SLC6A9: variants seen among roughly 807,000 people sequenced by gnomAD.
The protein encoded by SLC6A9 is solute carrier family 6 member 9.
SLC6A9 carries 31 observed loss-of-function variants against 70.9 expected under a neutral mutation model. That is an observed-to-expected ratio of 0.44 (90% CI 0.33 to 0.59). The LOEUF is 0.59. SLC6A9 is among the 20% of genes least tolerant of loss of function. The pLI is 0.04. For missense variants in SLC6A9, 631 were observed against 845.2 expected, an observed-to-expected ratio of 0.75 and a Z score of 3.14; for synonymous variants, 310 against 341.3, an observed-to-expected ratio of 0.91 and a Z score of 1.01.
chr1:43,997,052 A>G lies in SLC6A9; in HGVS notation c.*493T>C, dbSNP rs1193348561. ...AATGTTTACAAAAATAATTACACAG[A>G]TAAACAGGGCTGGGCAGCACAGCCT... is the stretch of plus-strand genomic sequence containing the variant. On this transcript the variant is annotated 3_prime_UTR_variant, in exon 14 of 14. Transcript: ENST00000372310. The surrounding 1 kb of genome is among the most constrained non-coding windows in gnomAD (Gnocchi z 4.4). The G allele has an allele frequency of 6.2e-6, 1 of 160,540 alleles. No individual in the cohort carries two copies. 9.9% of individuals were successfully genotyped at this position (160,540 alleles called of 1,614,324 possible).
In SLC6A9 at chr1:44,001,694, C is replaced by T. The variant is rs1005495977; in HGVS notation, c.963-67G>A. 9 of 1,267,244 alleles carry T rather than the reference C, an allele frequency of 7.1e-6. No homozygotes were observed. In the Admixed American group the frequency reaches 1.2e-4, roughly 17 times the overall value. 78.5% of individuals were successfully genotyped at this position (1,267,244 alleles called of 1,614,324 possible). On this transcript the variant is annotated intron_variant, in intron 8 of 13. Coordinates refer to ENST00000372310, the MANE Select transcript of SLC6A9 (RefSeq NM_001024845.3). Reference sequence around the variant, plus strand: ...TTTGGGCCAAGAGGAGACATGGAGACACGGAAAGTTCTAGGTACAAAGGCA... The same window carrying T: ...TTTGGGCCAAGAGGAGACATGGAGATACGGAAAGTTCTAGGTACAAAGGCA...
At chr1:44,000,062 C>A (rs1042774523) in intron 12 of SLC6A9, among the ~76,000 whole-genome samples, 1 of 152,154 alleles carries the variant, frequency 6.6e-6, no homozygotes, top group African/African-American at 2.4e-5. Flanking sequence ...AGCTGTGTGA[C>A]CATGGGCCAA....
At position 43,997,881 on chromosome 1, in the gene SLC6A9, G is replaced by A. The variant is rs200127899; in HGVS notation, c.1681C>T (p.Arg561Cys). Residue 561 changes from arginine to cysteine, a missense_variant, in exon 13 of 14, where the codon CGC becomes TGC. Transcript: ENST00000372310. The surrounding 1 kb of genome is among the most constrained non-coding windows in gnomAD (Gnocchi z 4.4). ...IPLYAMFRLC[R>C]TDGDTLLQRL... is the part of the protein sequence containing the mutation. The stretch of plus-strand genomic sequence containing the variant: ...TGGAGGAGGGTGTCCCCGTCTGTGC[G>A]GCAGAGCCGGAACATGGCGTAGAGG... 3.0e-5 allele frequency: 49 copies of A among 1,613,398 alleles called. No individual in the cohort carries two copies. Among genetic ancestry groups the A allele is most frequent in the East Asian group, 1.1e-4 (5 of 44,880 alleles).
At position 44,002,298 on chromosome 1, in the gene SLC6A9, G is replaced by A; in HGVS notation, c.962+15C>T. 6.3e-7 allele frequency: 1 copy of A among 1,590,814 alleles called. No homozygotes were observed. On this transcript the variant is annotated intron_variant, in intron 8 of 13. Transcript: ENST00000372310. This position sits in a 1 kb window ranked among gnomAD's most constrained non-coding sequence, Gnocchi z 5.5. ...GCAGGAAGGGGGCAGCCTCAGCCCA[G>A]CAGGGAGCACTCACCGGTAACAGTT... is the stretch of plus-strand genomic sequence containing the variant.
chr1:44,011,728 G>T (rs575758398), intron 2 of SLC6A9: 1 of 1,613,774 alleles, frequency 6.2e-7, no homozygotes, highest in South Asian at 1.1e-5. Flanking sequence ...GTCACCTGCA[G>T]GGGAGGGGGC....
In SLC6A9 at chr1:44,013,324, C is replaced by T. The variant is rs188136146; in HGVS notation, c.31-2442G>A. ...TTGGATCCCTGAAGTCTGCTCCTTC[C>T]CTGGCAGGGGGAGGTACGGGGAAGG... On this transcript the variant is annotated intron_variant, in intron 2 of 13. Transcript: ENST00000372310. This position sits in a 1 kb window ranked among gnomAD's most constrained non-coding sequence, Gnocchi z 5.3. Among the ~76,000 whole-genome samples the T allele has an allele frequency of 6.6e-6, 1 of 152,356 alleles. No homozygotes were observed. Among genetic ancestry groups the T allele is most frequent in the East Asian group, 1.9e-4 (1 of 5,188 alleles).
chr1:44,015,320 G>T (rs1015557368), intron 2 of SLC6A9, among the ~76,000 whole-genome samples: 1 of 152,156 alleles, frequency 6.6e-6, no homozygotes, highest in African/African-American at 2.4e-5. Flanking sequence ...TAGATCAGTG[G>T]CCAGTGGATA....
chr1:44,024,294 G>C lies in SLC6A9; in HGVS notation c.-17C>G. 1.2e-6 allele frequency: 2 copies of C among 1,614,198 alleles called. No individual in the cohort carries two copies. The highest frequency in any genetic ancestry group is 1.7e-4 in the Middle Eastern group (1 of 6,060). On this transcript the variant is annotated 5_prime_UTR_variant, in exon 2 of 14. Coordinates refer to ENST00000372310, the MANE Select transcript of SLC6A9 (RefSeq NM_001024845.3). The stretch of plus-strand genomic sequence containing the variant: ...TCCTACCATGGCGGCGGTGGGTTGG[G>C]GCTCTGGTGACGGGGACCACACTCA...
In SLC6A9 at chr1:44,005,265, G is replaced by T. The variant is rs560283887; in HGVS notation, c.591-2280C>A. ...TCACGAGTTTAGGACCCAGTAGCAG[G>T]TATCAGACCAGCACAGGGGACTGGA... On this transcript the variant is annotated intron_variant, in intron 5 of 13. Coordinates refer to ENST00000372310, the MANE Select transcript of SLC6A9 (RefSeq NM_001024845.3). 9.8e-5 allele frequency among the ~76,000 whole-genome samples: 15 copies of T among 152,288 alleles called. No individual in the cohort carries two copies. In the East Asian group the frequency reaches 2.7e-3, roughly 27 times the overall value.
chr1:43,998,207 C>T (rs2085950298), intron 12 of SLC6A9, among the ~76,000 whole-genome samples, 182 bp from the exon 13 acceptor site: 1 of 152,106 alleles, frequency 6.6e-6, no homozygotes, highest in Non-Finnish European at 1.5e-5. Context: ...GGGGCCGGAG[C>T]GCGGTGAGTG....
rs1553164498 is a variant in SLC6A9, at chr1:44,022,722, C to CTTTTTCT, written c.30+1525_30+1526insAGAAAAA. On this transcript the variant is annotated intron_variant, in intron 2 of 13. Transcript: ENST00000372310. ...TTTTTCTTTCTTTCTTTCTTTCTTT[C>CTTTTTCT]TTTTTTTTTTTTTTGAGACAGAGCC... Among the ~76,000 whole-genome samples, 4 of 118,956 alleles carry CTTTTTCT rather than the reference C, an allele frequency of 3.4e-5. 1 individual carries two copies. Among genetic ancestry groups the CTTTTTCT allele is most frequent in the Non-Finnish European group, 5.0e-5 (3 of 60,486 alleles). The allele number at this position is 118,956 out of a possible 152,430, so 78.0% of individuals were successfully genotyped here. A position where few individuals can be genotyped will look rare whatever the true frequency, so the allele number is the denominator to read the frequency against.
At chr1:44,007,121 A>T (rs1034265348) in intron 5 of SLC6A9, among the ~76,000 whole-genome samples, 1 of 151,912 alleles carries the variant, frequency 6.6e-6, no homozygotes, top group Non-Finnish European at 1.5e-5. Context: ...GTGGTTCCCA[A>T]TCTCTCTACT....
chr1:44,004,460 C>T (rs1348462855), intron 5 of SLC6A9, among the ~76,000 whole-genome samples: 1 of 152,218 alleles, frequency 6.6e-6, no homozygotes, highest in Non-Finnish European at 1.5e-5. Flanking sequence ...ATCCTCCCAC[C>T]TCAGCCTCCC....
intron 2 of SLC6A9, among the ~76,000 whole-genome samples, chr1:44,019,224 GC>G (rs1164393540): frequency 6.6e-6 from 1 of 152,228 alleles, no homozygotes; most frequent in Non-Finnish European, 1.5e-5. Flanking sequence ...TTCACAGACA[GC>G]CCATCACCCT....
chr1:44,015,716 C>G (rs964556122), intron 2 of SLC6A9: 7 of 385,940 alleles, frequency 1.8e-5, no homozygotes, highest in Non-Finnish European at 3.6e-6. Flanking sequence ...CAGGCAGCAC[C>G]TACCCTGCAA....
At chr1:44,028,881 A>C (rs1396141560) in intron 1 of SLC6A9, among the ~76,000 whole-genome samples, 1 of 152,194 alleles carries the variant, frequency 6.6e-6, no homozygotes, top group East Asian at 1.9e-4. Context: ...AGGTGACAAT[A>C]GGGTGAGGAG....
chr1:44,029,849 C>T (rs1020337375), intron 1 of SLC6A9, among the ~76,000 whole-genome samples: 2 of 152,146 alleles, frequency 1.3e-5, no homozygotes, highest in African/African-American at 2.4e-5. Context: ...AGAACCAGTC[C>T]CCTCACCCAC....
intron 2 of SLC6A9, among the ~76,000 whole-genome samples, chr1:44,012,446 G>A (rs2086604125): frequency 6.6e-6 from 1 of 152,254 alleles, no homozygotes; most frequent in African/African-American, 2.4e-5. Context: ...GGGCAGGGGT[G>A]CAGTGCCAGG....
At chr1:44,008,709 T>C in intron 4 of SLC6A9, 86 bp from the exon 5 acceptor site, 3 of 1,103,040 alleles carry the variant, frequency 2.7e-6, no homozygotes, top group South Asian at 3.1e-5. Context: ...TCTTTTCTTT[T>C]CTTTTTTTTT....
Sources: gnomAD v4.1 joint callset for allele counts (sites outside exome capture counted in the v4.1 genomes callset) on GRCh38, gnomAD v4.1.1 for gene constraint, Gnocchi (gnomAD v3.1) non-coding constraint, MANE v1.5 for transcripts, NCBI Gene and HGNC (gene_info 2026-07-23, HGNC 2026-07-21) for gene names.